RORA: variants seen among roughly 807,000 people sequenced by gnomAD.
RORA encodes RAR related orphan receptor A.
RORA carries 7 observed loss-of-function variants against 69.5 expected under a neutral mutation model. The observed-to-expected ratio is 0.10, with a 90% CI of 0.06 to 0.19. The LOEUF (loss-of-function observed/expected upper bound fraction) is 0.19, where lower values mean the gene tolerates loss of function less well. Ranked by LOEUF, RORA falls within the 10% of genes least tolerant of loss-of-function variation. RORA has a pLI of 1.00. For missense variants in RORA, 457 were observed against 663.0 expected, an observed-to-expected ratio of 0.69 and a Z score of 3.41; for synonymous variants, 261 against 240.8, an observed-to-expected ratio of 1.08 and a Z score of -0.78.
At chr15:60,938,855 T>A (rs1176144430) in intron 1 of RORA, among the ~76,000 whole-genome samples, 1 of 152,220 alleles carries the variant, frequency 6.6e-6, no homozygotes, top group African/African-American at 2.4e-5. Context: ...TTTCGGCTAC[T>A]GAAAAAACTG....
chr15:61,030,761 G>T (rs1003616321), intron 1 of RORA, among the ~76,000 whole-genome samples: 1 of 152,222 alleles, frequency 6.6e-6, no homozygotes, highest in South Asian at 2.1e-4. Flanking sequence ...TTAAGGTTGC[G>T]TGTATATCCA....
intron 1 of RORA, among the ~76,000 whole-genome samples, chr15:61,129,569 G>C (rs760181229): frequency 6.6e-6 from 1 of 152,092 alleles, no homozygotes; most frequent in African/African-American, 2.4e-5. Flanking sequence ...CCAATGCCTG[G>C]TACCTTTTTA....
At chr15:60,665,487 C>T (rs1415935674) in intron 2 of RORA, among the ~76,000 whole-genome samples, 2 of 152,260 alleles carry the variant, frequency 1.3e-5, no homozygotes, top group Non-Finnish European at 1.5e-5. Context: ...TTAAACCTCT[C>T]GATAAGATTC....
intron 1 of RORA, among the ~76,000 whole-genome samples, chr15:60,828,182 G>C (rs2072991632): frequency 6.6e-6 from 1 of 152,192 alleles, no homozygotes; most frequent in Non-Finnish European, 1.5e-5. Context: ...TAGCTGTGAG[G>C]AGCAGGAGGG....
intron 1 of RORA, among the ~76,000 whole-genome samples, chr15:60,824,684 G>A (rs1397984916): frequency 1.3e-5 from 2 of 152,104 alleles, no homozygotes; most frequent in African/African-American, 2.4e-5. Flanking sequence ...TTCCTCACTC[G>A]TACGATTGTT....
chr15:60,565,800 T>G (rs1296026888), intron 2 of RORA, among the ~76,000 whole-genome samples: 16 of 152,178 alleles, frequency 1.1e-4, no homozygotes. Context: ...AGTCAACACA[T>G]CCTCTCAAAG....
chr15:61,163,112 T>C (rs1166307905), intron 1 of RORA, among the ~76,000 whole-genome samples: 1 of 152,188 alleles, frequency 6.6e-6, no homozygotes, highest in African/African-American at 2.4e-5. Flanking sequence ...TCTATTTTAG[T>C]GGGGTTTTTA....
At chr15:61,069,066 G>A (rs572057635) in intron 1 of RORA, among the ~76,000 whole-genome samples, 2 of 152,194 alleles carry the variant, frequency 1.3e-5, no homozygotes, top group African/African-American at 4.8e-5. Flanking sequence ...TGTTTCAAAG[G>A]GATATACGAT....
intron 1 of RORA, among the ~76,000 whole-genome samples, chr15:61,110,226 C>T (rs575115499): frequency 1.3e-5 from 2 of 152,104 alleles, no homozygotes; most frequent in East Asian, 3.9e-4. Flanking sequence ...GTGAAACCCA[C>T]CTCTACTAAA....
In RORA at chr15:60,519,681, A is replaced by G. The variant is rs549199669; in HGVS notation, c.283-4924T>C. Among the ~76,000 whole-genome samples, 43 of 152,282 alleles carry G rather than the reference A, an allele frequency of 2.8e-4. 1 individual carries two copies. In the South Asian group the frequency reaches 8.7e-3, roughly 31 times the overall value. On this transcript the variant is annotated intron_variant, in intron 3 of 10. Coordinates refer to ENST00000335670, the MANE Select transcript of RORA (RefSeq NM_134261.3). ...TTCCTACCGCCCAGACATTTTACAAAAATCTCTCTCTGGAGTTGCCTCCTG... is the reference window on the plus strand; with the variant it reads ...TTCCTACCGCCCAGACATTTTACAAGAATCTCTCTCTGGAGTTGCCTCCTG...
chr15:60,874,178 T>C (rs1272574376), intron 1 of RORA, among the ~76,000 whole-genome samples: 1 of 152,352 alleles, frequency 6.6e-6, no homozygotes, highest in East Asian at 1.9e-4. Context: ...GAACATTAAA[T>C]TTTATGGGTT....
chr15:60,778,205 C>A (rs557043920), intron 1 of RORA, among the ~76,000 whole-genome samples: 2 of 134,996 alleles, frequency 1.5e-5, no homozygotes, highest in South Asian at 2.6e-4. Flanking sequence ...TACTGAACAG[C>A]TGGGCTCAGG....
At chr15:61,212,864 C>T (rs765475103) in intron 1 of RORA, among the ~76,000 whole-genome samples, 6 of 152,172 alleles carry the variant, frequency 3.9e-5, no homozygotes, top group Non-Finnish European at 7.3e-5. Context: ...CCATGAACAT[C>T]ACCTCATAGA....
At chr15:60,661,660 C>T (rs764533913) in intron 2 of RORA, among the ~76,000 whole-genome samples, 1 of 152,192 alleles carries the variant, frequency 6.6e-6, no homozygotes, top group African/African-American at 2.4e-5. Flanking sequence ...AGGGCCCCCT[C>T]TTTTCCAAGG....
At chr15:61,051,382 G>A (rs1445820599) in intron 1 of RORA, among the ~76,000 whole-genome samples, 1 of 152,170 alleles carries the variant, frequency 6.6e-6, no homozygotes, top group Non-Finnish European at 1.5e-5. Context: ...GGGGCACACT[G>A]ATCCACAAAC....
At chr15:60,988,611 C>T (rs1362959521) in intron 1 of RORA, among the ~76,000 whole-genome samples, 1 of 152,206 alleles carries the variant, frequency 6.6e-6, no homozygotes, top group Non-Finnish European at 1.5e-5. Context: ...AGAATTACGA[C>T]TCGCTGCTTC....
rs1056359209 is a variant in RORA, at chr15:61,061,358, T to A, written c.166+167695A>T. On this transcript the variant is annotated intron_variant, in intron 1 of 10. Transcript: ENST00000335670. This position sits in a 1 kb window ranked among gnomAD's most constrained non-coding sequence, Gnocchi z 4.4. ...CAGAGCGAGGCTCTATCTTAAAAAA[T>A]AAATAAATAAATAAATAAATAAATA... is the stretch of plus-strand genomic sequence containing the variant. Among the ~76,000 whole-genome samples the A allele has an allele frequency of 1.1e-4, 14 of 128,498 alleles. No individual in the cohort carries two copies. Among genetic ancestry groups the A allele is most frequent in the African/African-American group, 3.2e-4 (10 of 31,714 alleles). 84.3% of individuals were successfully genotyped at this position (128,498 alleles called of 152,430 possible).
intron 1 of RORA, among the ~76,000 whole-genome samples, chr15:61,220,687 T>C (rs1379746507): frequency 6.6e-6 from 1 of 152,206 alleles, no homozygotes; most frequent in Non-Finnish European, 1.5e-5. Flanking sequence ...CACCGTGCCC[T>C]TCAGACCTAT....
At chr15:60,693,796 A>T (rs917294033) in intron 1 of RORA, among the ~76,000 whole-genome samples, 3 of 152,332 alleles carry the variant, frequency 2.0e-5, no homozygotes, top group African/African-American at 2.4e-5. Flanking sequence ...ATAAGAGAGG[A>T]CACAAACAAA....
Sources: gnomAD v4.1 joint callset for allele counts (sites outside exome capture counted in the v4.1 genomes callset) on GRCh38, gnomAD v4.1.1 for gene constraint, Gnocchi (gnomAD v3.1) non-coding constraint, MANE v1.5 for transcripts, NCBI Gene and HGNC (gene_info 2026-07-23, HGNC 2026-07-21) for gene names.